The following ARHGAP10 variants were observed in gnomAD, a reference collection of about 807,000 sequenced individuals.
ARHGAP10 encodes the protein Rho GTPase activating protein 10, also known as rho GTPase-activating protein 10.
ARHGAP10 carries 87 observed loss-of-function variants against 108.6 expected under a neutral mutation model. The observed-to-expected ratio is 0.80, with a 90% CI of 0.67 to 0.96. The LOEUF (loss-of-function observed/expected upper bound fraction) is 0.96. Ranked by LOEUF, ARHGAP10 falls within the 40% of genes least tolerant of loss-of-function variation. The probability of loss-of-function intolerance (pLI) is 0.00; values close to 1 mark genes in which losing one functional copy is unlikely to be tolerated. For missense variants in ARHGAP10, 939 were observed against 954.5 expected (o/e 0.98, Z 0.21); for synonymous variants, 347 against 341.1 (o/e 1.02, Z -0.19).
intron 3 of ARHGAP10, among the ~76,000 whole-genome samples, chr4:147,823,294 G>A (rs1732580135): frequency 6.6e-6 from 1 of 152,154 alleles, no homozygotes; most frequent in Admixed American, 6.5e-5. Context: ...TATATCAGCG[G>A]GATAAAAGCA....
intron 21 of ARHGAP10, 70 bp from the exon 22 acceptor site, chr4:148,064,346 G>C (rs979802241): frequency 7.0e-7 from 1 of 1,428,382 alleles, no homozygotes; most frequent in Admixed American, 1.9e-5. Context: ...GGGAAGGGGG[G>C]TTGGGGGGTG....
chr4:147,884,724 CAT>C (rs1228593164), intron 10 of ARHGAP10, among the ~76,000 whole-genome samples: 7 of 152,122 alleles, frequency 4.6e-5, no homozygotes, highest in Non-Finnish European at 1.0e-4. Flanking sequence ...GTGAGTGTCA[CAT>C]GTGGAGGCCT....
intron 13 of ARHGAP10, among the ~76,000 whole-genome samples, chr4:147,923,270 G>C (rs1189381926): frequency 6.6e-6 from 1 of 152,198 alleles, no homozygotes; most frequent in Non-Finnish European, 1.5e-5. Flanking sequence ...TCAGAGATTG[G>C]AGTGTAATTA....
intron 1 of ARHGAP10, among the ~76,000 whole-genome samples, chr4:147,742,462 A>G (rs1378834589): frequency 6.9e-6 from 1 of 145,176 alleles, no homozygotes. Context: ...TACAGGAGAA[A>G]TAGTCTGTGA....
chr4:147,890,407 A>G (rs1735752874), intron 10 of ARHGAP10, among the ~76,000 whole-genome samples: 1 of 152,244 alleles, frequency 6.6e-6, no homozygotes, highest in Admixed American at 6.5e-5. Flanking sequence ...CACAGATTTG[A>G]AAATAATGTC....
intron 1 of ARHGAP10, among the ~76,000 whole-genome samples, chr4:147,767,776 A>G (rs991462618): frequency 6.6e-5 from 10 of 152,184 alleles, no homozygotes; most frequent in African/African-American, 2.4e-4. Context: ...GCTTTTGTCC[A>G]ACTGGAGTCC....
intron 5 of ARHGAP10, among the ~76,000 whole-genome samples, chr4:147,860,435 AAAAACAAAACAAAAC>A (rs112437404): frequency 1.6e-4 from 25 of 151,912 alleles, no homozygotes; most frequent in African/African-American, 5.1e-4. Context: ...GCTCCGTCTC[AAAAACAAAACAAAAC>A]AAAACAAAAC....
At chr4:148,050,365 CTTTTTT>C (rs11309245) in intron 20 of ARHGAP10, among the ~76,000 whole-genome samples, 1 of 59,300 alleles carries the variant, frequency 1.7e-5, no homozygotes, top group Admixed American at 2.4e-4. Flanking sequence ...TCATCATCAT[CTTTTTT>C]TTTTTTTTTT....
At chr4:147,791,110 T>TA in intron 1 of ARHGAP10, among the ~76,000 whole-genome samples, 1 of 150,646 alleles carries the variant, frequency 6.6e-6, no homozygotes, top group African/African-American at 2.5e-5. Context: ...ACATATTCTT[T>TA]ACTTTTTTTT....
intron 1 of ARHGAP10, among the ~76,000 whole-genome samples, chr4:147,739,670 ACAAATTCC>A (rs1334949863): frequency 2.6e-5 from 4 of 152,118 alleles, no homozygotes; most frequent in Non-Finnish European, 5.9e-5. Flanking sequence ...AGTGCTCTGG[ACAAATTCC>A]CAAAGAAGCT....
At chr4:148,053,679 G>C (rs1729240511) in intron 20 of ARHGAP10, among the ~76,000 whole-genome samples, 1 of 152,144 alleles carries the variant, frequency 6.6e-6, no homozygotes, top group Admixed American at 6.6e-5. Context: ...CATTCAGTCT[G>C]GGGGTACAAC....
rs540457128 is a variant in ARHGAP10, at chr4:147,834,340, G to A, written c.312+11383G>A. Among the ~76,000 whole-genome samples, 4 of 152,024 alleles carry A rather than the reference G, an allele frequency of 2.6e-5. No individual in the cohort carries two copies. In the East Asian group the frequency reaches 5.8e-4, roughly 22 times the overall value. ...GGGAAGCCAGGTGTGGTGGTGGCAC[G>A]CATCTGTAGGCCCAGCTACTTGGGA... On this transcript the variant is annotated intron_variant, in intron 3 of 22. Coordinates refer to ENST00000336498, the MANE Select transcript of ARHGAP10 (RefSeq NM_024605.4).
intron 15 of ARHGAP10, among the ~76,000 whole-genome samples, chr4:147,948,935 C>A (rs1438110989): frequency 8.1e-5 from 12 of 148,448 alleles, no homozygotes; most frequent in Non-Finnish European, 1.8e-4. Flanking sequence ...CACTGCACTC[C>A]AGCCTAGGAG....
At chr4:147,750,687 C>T (rs1005104739) in intron 1 of ARHGAP10, among the ~76,000 whole-genome samples, 14 of 151,504 alleles carry the variant, frequency 9.2e-5, no homozygotes, top group East Asian at 7.9e-4. Flanking sequence ...CTGCAACCTC[C>T]GCCTCCTGGG....
At chr4:147,842,177 C>G (rs1278570652) in intron 3 of ARHGAP10, among the ~76,000 whole-genome samples, 1 of 152,148 alleles carries the variant, frequency 6.6e-6, no homozygotes, top group Non-Finnish European at 1.5e-5. Flanking sequence ...TCAAGTGATC[C>G]ACCCGCCTCG....
chr4:147,841,997 A>G (rs1733434275), intron 3 of ARHGAP10, among the ~76,000 whole-genome samples: 1 of 152,016 alleles, frequency 6.6e-6, no homozygotes, highest in African/African-American at 2.4e-5. Context: ...CAGTGGTGCA[A>G]TCTTGGCTCA....
At chr4:147,787,667 T>A (rs1730948421) in intron 1 of ARHGAP10, among the ~76,000 whole-genome samples, 1 of 152,178 alleles carries the variant, frequency 6.6e-6, no homozygotes, top group Admixed American at 6.5e-5. Context: ...ACTGCCTTCG[T>A]GCTTCCCTGG....
At chr4:147,989,653 G>A (rs933452219) in intron 18 of ARHGAP10, among the ~76,000 whole-genome samples, 1 of 152,238 alleles carries the variant, frequency 6.6e-6, no homozygotes, top group African/African-American at 2.4e-5. Context: ...GGCGGTCAGA[G>A]TTTAAGGTTA....
intron 4 of ARHGAP10, chr4:147,854,904 T>G (rs1255345237): frequency 8.2e-6 from 8 of 976,912 alleles, no homozygotes; most frequent in African/African-American, 1.8e-5. Context: ...AGGCTTGATG[T>G]CTCCTTTTTC....
Sources: gnomAD v4.1 joint callset for allele counts (sites outside exome capture counted in the v4.1 genomes callset) on GRCh38, gnomAD v4.1.1 for gene constraint, MANE v1.5 for transcripts, NCBI Gene and HGNC (gene_info 2026-07-23, HGNC 2026-07-21) for gene names.